GRIN2B: variants seen among roughly 807,000 people sequenced by gnomAD.
GRIN2B encodes glutamate receptor ionotropic, NMDA 2B.
In GRIN2B, 5 loss-of-function variants were observed where a neutral mutation model predicts 114.5. The observed-to-expected ratio is 0.04, with a 90% confidence interval of 0.02 to 0.09. The LOEUF is 0.09. GRIN2B is among the 10% of genes least tolerant of loss of function. The pLI is 1.00. For missense variants in GRIN2B, 1,108 were observed against 1,943.5 expected (o/e 0.57, Z 8.08); for synonymous variants, 787 against 745.1 (o/e 1.06, Z -0.92).
intron 3 of GRIN2B, among the ~76,000 whole-genome samples, chr12:13,763,029 C>T (rs955567262): frequency 2.0e-5 from 3 of 152,010 alleles, no homozygotes; most frequent in African/African-American, 4.8e-5. Context: ...AATTTATTCA[C>T]ATCTCCCAAA....
intron 3 of GRIN2B, among the ~76,000 whole-genome samples, chr12:13,829,526 C>T (rs1228168092): frequency 6.6e-6 from 1 of 152,186 alleles, no homozygotes; most frequent in East Asian, 1.9e-4. Context: ...TTTCTTTGCT[C>T]CCACTCCTGC....
At chr12:13,592,415 C>G (rs1949020120) in intron 10 of GRIN2B, among the ~76,000 whole-genome samples, 1 of 152,194 alleles carries the variant, frequency 6.6e-6, no homozygotes, top group African/African-American at 2.4e-5. Context: ...CCTCCATCCC[C>G]TGCATCTTGG....
chr12:13,958,379 A>T (rs1294460670), intron 2 of GRIN2B, among the ~76,000 whole-genome samples: 1 of 152,192 alleles, frequency 6.6e-6, no homozygotes, highest in Non-Finnish European at 1.5e-5. Context: ...AAGTCACATG[A>T]GCTGCCCTAG....
At chr12:13,757,050 G>A (rs936230868) in intron 3 of GRIN2B, among the ~76,000 whole-genome samples, 7 of 152,236 alleles carry the variant, frequency 4.6e-5, no homozygotes, top group Non-Finnish European at 7.4e-5. Flanking sequence ...TAGTTCTACT[G>A]TCCTCCACAA....
chr12:13,863,428 A>C (rs1282409095), intron 3 of GRIN2B, among the ~76,000 whole-genome samples: 8 of 152,230 alleles, frequency 5.3e-5, no homozygotes, highest in Non-Finnish European at 7.3e-5. Flanking sequence ...CTTGAGAGAC[A>C]AGAGAGTACA....
Position 13,608,852 on chromosome 12 carries a change from A to T in GRIN2B, c.1781-20T>A. The stretch of plus-strand genomic sequence containing the variant: ...CAGGCTCTGGCATGACAAAAAGACA[A>T]GGACGAAAGTTAAGCCATTGTGGCT... On this transcript the variant is annotated intron_variant, in intron 9 of 13. Transcript: ENST00000609686. 6.3e-7 allele frequency: 1 copy of T among 1,578,186 alleles called. No homozygotes were observed. Among genetic ancestry groups the T allele is most frequent in the Non-Finnish European group, 8.7e-7 (1 of 1,147,652 alleles).
chr12:13,786,908 G>A (rs1319649265), intron 3 of GRIN2B, among the ~76,000 whole-genome samples: 1 of 151,734 alleles, frequency 6.6e-6, no homozygotes, highest in African/African-American at 2.4e-5. Context: ...TAGTCCTCCC[G>A]GTTTGAGACT....
chr12:13,957,704 C>T (rs1867616126), intron 2 of GRIN2B, among the ~76,000 whole-genome samples: 1 of 152,120 alleles, frequency 6.6e-6, no homozygotes, highest in Non-Finnish European at 1.5e-5. Context: ...CACCCAGTGC[C>T]GACTCCCCAG....
At chr12:13,949,196 G>A (rs928668269) in intron 2 of GRIN2B, among the ~76,000 whole-genome samples, 1 of 152,156 alleles carries the variant, frequency 6.6e-6, no homozygotes, top group Non-Finnish European at 1.5e-5. Flanking sequence ...ACAGAAATGA[G>A]GGGAGAAGGG....
chr12:13,541,900 G>C lies in GRIN2B; in HGVS notation c.*20883C>G, dbSNP rs1289031823. ...GTCAGAAACAACGTGCAGTGTCTCT[G>C]GGGGCAGACTCTAGGTTGCTCTTGC... On this transcript the variant is annotated 3_prime_UTR_variant, in exon 14 of 14. Coordinates refer to ENST00000609686, the MANE Select transcript of GRIN2B (RefSeq NM_000834.5). The C allele has an allele frequency of 6.6e-6, 1 of 152,252 alleles. No homozygotes were observed. Among genetic ancestry groups the C allele is most frequent in the African/African-American group, 2.4e-5 (1 of 41,448 alleles). The allele number at this position is 152,252 out of a possible 1,614,324, so 9.4% of individuals were successfully genotyped here.
rs147542476 is a variant in GRIN2B at position 13,881,913 on chromosome 12, C to A, written c.-18-15687G>T. 3.1e-3 allele frequency among the ~76,000 whole-genome samples: 469 copies of A among 152,278 alleles called. 3 individuals carry two copies. The highest frequency in any genetic ancestry group is 0.01 in the African/African-American group (428 of 41,560). On this transcript the variant is annotated intron_variant, in intron 2 of 13. Coordinates refer to ENST00000609686, the MANE Select transcript of GRIN2B (RefSeq NM_000834.5). Reference sequence around the variant, plus strand: ...TTGACAGGAACATACCTGATTCAGTCTGAGCTCTGCAGAGTTTAATGAGGG... The same window carrying A: ...TTGACAGGAACATACCTGATTCAGTATGAGCTCTGCAGAGTTTAATGAGGG...
intron 2 of GRIN2B, among the ~76,000 whole-genome samples, chr12:13,912,480 C>T (rs913093608): frequency 6.6e-5 from 10 of 152,118 alleles, no homozygotes; most frequent in Non-Finnish European, 1.5e-4. Context: ...TACACTAAAC[C>T]GCCATTAGGG....
intron 5 of GRIN2B, among the ~76,000 whole-genome samples, chr12:13,671,495 A>G (rs1950021893): frequency 6.6e-6 from 1 of 152,168 alleles, no homozygotes; most frequent in Non-Finnish European, 1.5e-5. Context: ...GTCGTATCAC[A>G]TGGTTCACAC....
intron 3 of GRIN2B, among the ~76,000 whole-genome samples, chr12:13,810,958 CTGAAT>C (rs1220310797): frequency 1.3e-5 from 2 of 152,194 alleles, no homozygotes; most frequent in African/African-American, 2.4e-5. Context: ...GTCTCACTCT[CTGAAT>C]TGAATTAAGG....
At chr12:13,680,332 A>C (rs1280160466) in intron 4 of GRIN2B, among the ~76,000 whole-genome samples, 1 of 152,110 alleles carries the variant, frequency 6.6e-6, no homozygotes. Flanking sequence ...TTCTCTCCAA[A>C]CATGTCATCC....
intron 5 of GRIN2B, among the ~76,000 whole-genome samples, chr12:13,655,176 C>G (rs774805898): frequency 2.6e-5 from 4 of 152,028 alleles, no homozygotes; most frequent in Non-Finnish European, 5.9e-5. Context: ...CCAAAAAACC[C>G]ACCGAGCACA....
chr12:13,573,625 G>A (rs1948735500), intron 10 of GRIN2B, among the ~76,000 whole-genome samples: 2 of 152,172 alleles, frequency 1.3e-5, no homozygotes, highest in Admixed American at 6.5e-5. Flanking sequence ...TTTGGCATCG[G>A]AACGACAATG....
At chr12:13,923,782 T>G (rs1866865340) in intron 2 of GRIN2B, among the ~76,000 whole-genome samples, 1 of 152,078 alleles carries the variant, frequency 6.6e-6, no homozygotes, top group South Asian at 2.1e-4. Context: ...TACAGAAAAT[T>G]TAGCCACTGT....
chr12:13,766,492 G>C (rs1295223307), intron 3 of GRIN2B, among the ~76,000 whole-genome samples: 1 of 152,186 alleles, frequency 6.6e-6, no homozygotes, highest in African/African-American at 2.4e-5. Context: ...GCCTTGAACT[G>C]TTCCTTGTAT....
Sources: gnomAD v4.1 joint callset for allele counts (sites outside exome capture counted in the v4.1 genomes callset) on GRCh38, gnomAD v4.1.1 for gene constraint, MANE v1.5 for transcripts, NCBI Gene and HGNC (gene_info 2026-07-23, HGNC 2026-07-21) for gene names.